STYXL1: variants seen among roughly 807,000 people sequenced by gnomAD.
STYXL1 encodes the protein serine/threonine/tyrosine-interacting-like protein 1.
Under a neutral mutation model 36.4 loss-of-function variants are expected in STYXL1, and 32 were observed. The ratio of observed to expected loss-of-function variants is 0.88; its 90% confidence interval spans 0.66 to 1.18. STYXL1 has a LOEUF of 1.18. Ranked by LOEUF, STYXL1 falls within the 50% of genes most tolerant of loss-of-function variation. The probability of loss-of-function intolerance (pLI) is 0.00; values close to 1 mark genes in which losing one functional copy is unlikely to be tolerated. For synonymous variants in STYXL1, 133 were observed against 144.1 expected, an observed-to-expected ratio of 0.92 and a Z score of 0.55; for missense variants, 354 against 394.1, an observed-to-expected ratio of 0.90 and a Z score of 0.86.
intron 1 of STYXL1, among the ~76,000 whole-genome samples, chr7:76,041,717 C>G (rs782064448): frequency 6.6e-6 from 1 of 152,158 alleles, no homozygotes; most frequent in Non-Finnish European, 1.5e-5. Context: ...ATAAATTACC[C>G]AATCTCAAGC....
At chr7:76,026,030 C>A (rs1436898114) in intron 3 of STYXL1, among the ~76,000 whole-genome samples, 2 of 145,156 alleles carry the variant, frequency 1.4e-5, no homozygotes, top group East Asian at 4.3e-4. Context: ...GTCTCTACTA[C>A]GAATACAAAA....
Position 76,047,953 on chromosome 7 carries a change from G to C in STYXL1, c.-296C>G. On this transcript the variant is annotated 5_prime_UTR_variant, in exon 1 of 9. Transcript: ENST00000359697. The stretch of plus-strand genomic sequence containing the variant: ...CTACGCTAGAACCCAGCCAAACACC[G>C]GGGTTGCCAGGATGGTCCCACAGCT... 1 of 1,454,338 alleles carries C rather than the reference G, an allele frequency of 6.9e-7. No individual in the cohort carries two copies. The highest frequency in any genetic ancestry group is 1.4e-5 in the South Asian group (1 of 72,120). 90.1% of individuals were successfully genotyped at this position (1,454,338 alleles called of 1,614,324 possible).
Position 76,001,017 on chromosome 7 carries a change from G to C in STYXL1, c.698-15C>G, listed in dbSNP as rs782797659. On this transcript the variant is annotated splice_polypyrimidine_tract_variant and intron_variant, in intron 7 of 8. Coordinates refer to ENST00000359697, the MANE Select transcript of STYXL1 (RefSeq NM_001317785.2). ...ATGGTGAATTTCTGCAAAAAGAAGT[G>C]GGGGGTTGGGTCATGCCTGGCCCTC... is the stretch of plus-strand genomic sequence containing the variant. 15 of 1,603,814 alleles carry C rather than the reference G, an allele frequency of 9.4e-6. No homozygotes were observed. The South Asian group carries it at 1.3e-4, about 14-fold the overall frequency.
At position 76,021,939 on chromosome 7, in the gene STYXL1, G is replaced by A; in HGVS notation, c.219C>T (p.Tyr73=). The A allele has an allele frequency of 3.7e-6, 6 of 1,613,278 alleles. No individual in the cohort carries two copies. The highest frequency in any genetic ancestry group is 5.1e-6 in the Non-Finnish European group (6 of 1,179,986). The change falls in exon 4 of 9, where the codon TAC becomes TAT. Residue 73 remains tyrosine, a synonymous_variant. Coordinates refer to ENST00000359697, the MANE Select transcript of STYXL1 (RefSeq NM_001317785.2). ...PESVDLECVK[Y]CVVYDNNSST... is the part of the protein sequence containing the mutation. ...TGCTGTTGTTATCATACACCACGCA[G>A]TACTTCACACACTCCAGGTCCACAG... is the stretch of plus-strand genomic sequence containing the variant.
intron 7 of STYXL1, 141 bp downstream of exon 7, chr7:76,003,617 T>A (rs779349014): frequency 1.4e-6 from 1 of 712,108 alleles, no homozygotes. Context: ...CCCACCCAGA[T>A]GGAGCATATG....
At chr7:76,008,316 C>T (rs1039245918) in intron 5 of STYXL1, among the ~76,000 whole-genome samples, 1 of 151,434 alleles carries the variant, frequency 6.6e-6, no homozygotes, top group East Asian at 1.9e-4. Flanking sequence ...ACCACTTTCT[C>T]CATTATTACA....
At chr7:76,028,039 A>T (rs553198099) in intron 3 of STYXL1, among the ~76,000 whole-genome samples, 105 of 151,874 alleles carry the variant, frequency 6.9e-4, no homozygotes, top group African/African-American at 2.4e-3. Context: ...CCCAGGAGAT[A>T]TATATATATT....
Position 76,047,899 on chromosome 7 carries a change from C to T in STYXL1, c.-242G>A, listed in dbSNP as rs1299631487. 37 of 1,411,946 alleles carry T rather than the reference C, an allele frequency of 2.6e-5. No individual in the cohort carries two copies. Among genetic ancestry groups the T allele is most frequent in the Admixed American group, 5.7e-5 (2 of 35,292 alleles). 87.5% of individuals were successfully genotyped at this position (1,411,946 alleles called of 1,614,324 possible). A position where few individuals can be genotyped will look rare whatever the true frequency, so the allele number is the denominator to read the frequency against. The stretch of plus-strand genomic sequence containing the variant: ...TGCAGACTGGCCCTCCCACTCCGAC[C>T]GCAGGTCCCCCACCGGCCACACAGA... On this transcript the variant is annotated 5_prime_UTR_variant, in exon 1 of 9. Transcript: ENST00000359697.
intron 5 of STYXL1, among the ~76,000 whole-genome samples, chr7:76,007,546 T>C (rs572691554): frequency 5.3e-5 from 8 of 152,282 alleles, no homozygotes; most frequent in East Asian, 1.9e-4. Context: ...CCAACCTCCA[T>C]GGATACTGGA....
chr7:76,040,425 A>T (rs1796368761), intron 1 of STYXL1, among the ~76,000 whole-genome samples: 1 of 152,174 alleles, frequency 6.6e-6, no homozygotes, highest in Admixed American at 6.5e-5. Flanking sequence ...AGCTCTTGGA[A>T]GCCCCTTGGT....
At chr7:76,016,334 G>C (rs782705853) in intron 4 of STYXL1, among the ~76,000 whole-genome samples, 43 of 150,902 alleles carry the variant, frequency 2.8e-4, no homozygotes, top group Non-Finnish European at 5.0e-4. Flanking sequence ...ACATATGTGT[G>C]TATATATACA....
intron 2 of STYXL1, among the ~76,000 whole-genome samples, 180 bp downstream of exon 2, chr7:76,030,241 C>T (rs1004245853): frequency 3.3e-5 from 5 of 152,158 alleles, no homozygotes; most frequent in East Asian, 1.9e-4. Context: ...TCAAGTGATT[C>T]GCCCACCTTG....
Position 76,028,693 on chromosome 7 carries a change from G to A in STYXL1, c.114C>T (p.Ser38=). The change falls in exon 3 of 9, where the codon TCC becomes TCT. Residue 38 remains serine, a synonymous_variant. Transcript: ENST00000359697. ...PNYLCLLDVR[S]KWEYDESHVI... ...CATGGCTTTCGTCATACTCCCATTT[G>A]GAACGGACATCTGGAAAGGAAACGT... The A allele has an allele frequency of 6.2e-7, 1 of 1,614,090 alleles. No individual in the cohort carries two copies. The highest frequency in any genetic ancestry group is 8.5e-7 in the Non-Finnish European group (1 of 1,179,992).
chr7:75,997,365 C>T (rs782248737), intron 8 of STYXL1, among the ~76,000 whole-genome samples: 18 of 152,204 alleles, frequency 1.2e-4, no homozygotes, highest in African/African-American at 4.3e-4. Flanking sequence ...ACCTGGGAGG[C>T]GGAGGTTGCA....
chr7:75,999,555 A>ATT (rs1491579111), intron 8 of STYXL1, among the ~76,000 whole-genome samples: 1 of 84,188 alleles, frequency 1.2e-5, no homozygotes, highest in African/African-American at 3.8e-5. Flanking sequence ...GTGTGTGTAT[A>ATT]TTTTTTTTTG....
At chr7:76,029,288 A>T (rs1354521897) in intron 2 of STYXL1, among the ~76,000 whole-genome samples, 1 of 152,000 alleles carries the variant, frequency 6.6e-6, no homozygotes, top group Non-Finnish European at 1.5e-5. Context: ...CTGGGACCAC[A>T]GGCACATGCC....
At position 76,046,317 on chromosome 7, in the gene STYXL1, TGTGTGTGTGTGTGTGTGTGTGTGCGC is replaced by T. The variant is rs1458126790; in HGVS notation, c.-5+1319_-5+1344del. Among the ~76,000 whole-genome samples the T allele has an allele frequency of 8.6e-3, 375 of 43,796 alleles. 12 individuals carry two copies. The highest frequency in any genetic ancestry group is 0.016 in the African/African-American group (259 of 16,590). 28.7% of individuals were successfully genotyped at this position (43,796 alleles called of 152,430 possible). A position where few individuals can be genotyped will look rare whatever the true frequency, so the allele number is the denominator to read the frequency against. ...GTGTGTGTGTGTGTGTGTGTGTGTG[TGTGTGTGTGTGTGTGTGTGTGTGCGC>T]GCGCGCGCGCGCGCGCTTTTGAGCC... On this transcript the variant is annotated intron_variant, in intron 1 of 8. Coordinates refer to ENST00000359697, the MANE Select transcript of STYXL1 (RefSeq NM_001317785.2).
At chr7:76,033,068 G>A (rs1554579812) in intron 1 of STYXL1, among the ~76,000 whole-genome samples, 6 of 152,208 alleles carry the variant, frequency 3.9e-5, no homozygotes, top group Admixed American at 3.3e-4. Flanking sequence ...TGGCAGAGCT[G>A]CTCTTGGGAC....
At chr7:76,016,266 G>A (rs535651901) in intron 4 of STYXL1, among the ~76,000 whole-genome samples, 87 of 150,798 alleles carry the variant, frequency 5.8e-4, no homozygotes, top group African/African-American at 2.0e-3. Context: ...ATATCTATAT[G>A]TATGTGTGTA....
Sources: gnomAD v4.1 joint callset for allele counts (sites outside exome capture counted in the v4.1 genomes callset) on GRCh38, gnomAD v4.1.1 for gene constraint, MANE v1.5 for transcripts, NCBI Gene and HGNC (gene_info 2026-07-23, HGNC 2026-07-21) for gene names.